The following PDE4A variants were observed in gnomAD, a reference collection of about 807,000 sequenced individuals.
PDE4A encodes phosphodiesterase 4A.
Under a neutral mutation model 73.9 loss-of-function variants are expected in PDE4A, and 21 were observed. The observed-to-expected ratio is 0.28, with a 90% CI of 0.20 to 0.41. The LOEUF is 0.41. Among genes scored for constraint, PDE4A ranks in the 10% least tolerant of loss-of-function variants. PDE4A has a pLI of 1.00. For synonymous variants in PDE4A, 463 were observed against 505.4 expected (o/e 0.92, Z 1.13); for missense variants, 958 against 1,211.4 (o/e 0.79, Z 3.10).
At chr19:10,439,644 A>G (rs1459482950) in intron 1 of PDE4A, among the ~76,000 whole-genome samples, 1 of 152,162 alleles carries the variant, frequency 6.6e-6, no homozygotes, top group Non-Finnish European at 1.5e-5. Flanking sequence ...CGAAGAGTCC[A>G]GGCCTTCAAT....
intron 1 of PDE4A, chr19:10,428,821 A>G (rs1490087475): frequency 6.1e-6 from 6 of 985,342 alleles, no homozygotes; most frequent in Non-Finnish European, 7.2e-6. Flanking sequence ...AGGATATTTC[A>G]CAGAGGTGGA....
chr19:10,464,408 T>C (rs142852477), intron 14 of PDE4A: 1 of 455,112 alleles, frequency 2.2e-6, no homozygotes, highest in East Asian at 7.0e-5. Context: ...CTGTTTTTCT[T>C]TTATTTAGGT....
At chr19:10,459,172 A>C (rs1357821824) in intron 8 of PDE4A, 4 of 674,388 alleles carry the variant, frequency 5.9e-6, no homozygotes, top group Non-Finnish European at 7.2e-6. Flanking sequence ...AAGTGCTTAG[A>C]GCAATACTTG....
At chr19:10,450,714 C>T in intron 5 of PDE4A, 62 bp downstream of exon 5, 1 of 1,588,684 alleles carries the variant, frequency 6.3e-7, no homozygotes, top group Non-Finnish European at 8.6e-7. Flanking sequence ...GGTCCCTCAG[C>T]CCCTTCCCCA....
rs936535066 is a variant in PDE4A at position 10,453,724 on chromosome 19, A to G, written c.784-1105A>G. Among the ~76,000 whole-genome samples, 2 of 152,082 alleles carry G rather than the reference A, an allele frequency of 1.3e-5. No homozygotes were observed. Among genetic ancestry groups the G allele is most frequent in the African/African-American group, 4.8e-5 (2 of 41,408 alleles). On this transcript the variant is annotated intron_variant, in intron 6 of 14. Transcript: ENST00000380702. This position sits in a 1 kb window ranked among gnomAD's most constrained non-coding sequence, Gnocchi z 4.6. ...TGATATTTTGGGGACATGTGACCCC[A>G]AATGTCAGTGACCGCCTTATTTTGC...
At chr19:10,461,749 G>C (rs1319426234) in intron 12 of PDE4A, 69 bp downstream of exon 12, 2 of 1,594,054 alleles carry the variant, frequency 1.3e-6, no homozygotes, top group African/African-American at 2.7e-5. Flanking sequence ...GGGAGGAGTG[G>C]GTCTGAGTCC....
chr19:10,425,448 G>C (rs1415314624), intron 1 of PDE4A, among the ~76,000 whole-genome samples: 1 of 152,202 alleles, frequency 6.6e-6, no homozygotes, highest in Non-Finnish European at 1.5e-5. Context: ...TGGGCAGCCA[G>C]GAGCTGGTGT....
rs1162071704 is a variant in PDE4A, at chr19:10,461,543, A to T, written c.1483A>T (p.Met495Leu). 4.3e-6 allele frequency: 7 copies of T among 1,614,000 alleles called. No homozygotes were observed. Among genetic ancestry groups the T allele is most frequent in the Non-Finnish European group, 5.9e-6 (7 of 1,180,032 alleles). Residue 495 changes from methionine (M) to leucine (L), a missense_variant, in exon 12 of 15, where the codon ATG becomes TTG. Physicochemically the swap from Met to Leu is conservative, Grantham distance 15. Coordinates refer to ENST00000380702, the MANE Select transcript of PDE4A (RefSeq NM_001111307.2). ...GGCTGCAGATTCGGAGCTGGCGCTC[A>T]TGTACAACGATGAGTCGGTGCTCGA... ...LINTNSELAL[M>L]YNDESVLENH...
At chr19:10,429,292 A>AAGAAAG (rs1568365921) in intron 1 of PDE4A, among the ~76,000 whole-genome samples, 7 of 150,620 alleles carry the variant, frequency 4.6e-5, no homozygotes, top group Non-Finnish European at 1.0e-4. Flanking sequence ...GAAAGAAAGA[A>AAGAAAG]AGAAAGAAAG....
Position 10,424,712 on chromosome 19 carries a change from A to G in PDE4A, c.320+3628A>G, listed in dbSNP as rs551372050. On this transcript the variant is annotated intron_variant, in intron 1 of 14. Transcript: ENST00000380702. This position sits in a 1 kb window ranked among gnomAD's most constrained non-coding sequence, Gnocchi z 4.8. ...GGCTTGGGACCAGGCCGCTTTCCCCATGCGCCAGCCCCTGCCACACGCTGC... is the reference window on the plus strand; with the variant it reads ...GGCTTGGGACCAGGCCGCTTTCCCCGTGCGCCAGCCCCTGCCACACGCTGC... Among the ~76,000 whole-genome samples the G allele has an allele frequency of 3.6e-4, 55 of 152,344 alleles. No individual in the cohort carries two copies. The highest frequency in any genetic ancestry group is 6.8e-4 in the Non-Finnish European group (46 of 68,030).
intron 8 of PDE4A, 39 bp from the exon 9 acceptor site, chr19:10,459,361 C>G: frequency 6.2e-7 from 1 of 1,614,100 alleles, no homozygotes; most frequent in Non-Finnish European, 8.5e-7. Flanking sequence ...GGGCCCTGAG[C>G]CTTACAGGCT....
intron 10 of PDE4A, among the ~76,000 whole-genome samples, chr19:10,460,359 C>T (rs1243752078): frequency 7.2e-5 from 11 of 151,786 alleles, no homozygotes; most frequent in African/African-American, 2.4e-4. Context: ...ATTAGCCGGG[C>T]GTGGTGGGGC....
At position 10,422,373 on chromosome 19, in the gene PDE4A, C is replaced by T. The variant is rs77837238; in HGVS notation, c.320+1289C>T. ...CTCTGACATGTGGTCTGTGTTCCCT[C>T]TGCCTGGTGTATCCTAAGAACTGGT... On this transcript the variant is annotated intron_variant, in intron 1 of 14. Transcript: ENST00000380702. Among the ~76,000 whole-genome samples the T allele has an allele frequency of 5.1e-3, 776 of 152,282 alleles. 14 individuals carry two copies. Among genetic ancestry groups the T allele is most frequent in the East Asian group, 0.031 (160 of 5,190 alleles).
intron 6 of PDE4A, among the ~76,000 whole-genome samples, chr19:10,452,471 G>A (rs113793042): frequency 0.027 from 4,106 of 151,684 alleles, 195 homozygotes; most frequent in African/African-American, 0.095. Flanking sequence ...CTGGTATCTC[G>A]GTGTCTGTCT....
In PDE4A at chr19:10,461,015, G is replaced by C; in HGVS notation, c.1377G>C (p.Thr459=). ...LATPALDAVF[T]DLEILAALFA... Reference sequence around the variant, plus strand: ...GTCTCTGCTCCCAGGCAGTGTTCACGGACCTGGAGATTCTCGCCGCCCTCT... The same window carrying C: ...GTCTCTGCTCCCAGGCAGTGTTCACCGACCTGGAGATTCTCGCCGCCCTCT... The change falls in exon 11 of 15, where the codon ACG becomes ACC. Residue 459 remains threonine, a synonymous_variant. Coordinates refer to ENST00000380702, the MANE Select transcript of PDE4A (RefSeq NM_001111307.2). 1.9e-6 allele frequency: 3 copies of C among 1,613,104 alleles called. No homozygotes were observed. The highest frequency in any genetic ancestry group is 2.5e-6 in the Non-Finnish European group (3 of 1,179,314).
chr19:10,454,136 T>G (rs962658601), intron 6 of PDE4A, among the ~76,000 whole-genome samples: 10 of 152,128 alleles, frequency 6.6e-5, no homozygotes, highest in Admixed American at 5.9e-4. Flanking sequence ...TGTTCATCTG[T>G]GCATCTGTCC....
intron 7 of PDE4A, 112 bp from the exon 8 acceptor site, chr19:10,457,767 T>C: frequency 1.3e-6 from 2 of 1,514,406 alleles, no homozygotes; most frequent in Non-Finnish European, 1.8e-6. Context: ...GCTGAAAGGG[T>C]TCTGCCGTTT....
rs1198355450 is a variant in PDE4A, at chr19:10,457,961, G to GCCGCCC, written c.969_974dup (p.Pro324_Pro325dup). The stretch of plus-strand genomic sequence containing the variant: ...AAGCGCCGCGACCAAGACCCTCCCA[G>GCCGCCC]CCGCCCCCGCCCCCTGTACCACACT... On this transcript the variant is annotated inframe_insertion, in exon 8 of 15. Transcript: ENST00000380702. 6.2e-7 allele frequency: 1 copy of GCCGCCC among 1,612,684 alleles called. No individual in the cohort carries two copies. The highest frequency in any genetic ancestry group is 1.3e-5 in the African/African-American group (1 of 74,954).
Position 10,453,468 on chromosome 19 carries a change from G to GCCA in PDE4A, c.784-1360_784-1359insCAC. On this transcript the variant is annotated intron_variant, in intron 6 of 14. Coordinates refer to ENST00000380702, the MANE Select transcript of PDE4A (RefSeq NM_001111307.2). The surrounding 1 kb of genome is among the most constrained non-coding windows in gnomAD (Gnocchi z 4.6). The stretch of plus-strand genomic sequence containing the variant: ...GTCTCTGTGTGTGGCCCAGGGCTGG[G>GCCA]CGTGGATGGCGGGCAGCTGGGGGTG... The GCCA allele has an allele frequency of 9.0e-7, 1 of 1,110,266 alleles. No individual in the cohort carries two copies. The highest frequency in any genetic ancestry group is 1.2e-6 in the Non-Finnish European group (1 of 810,604). The allele number at this position is 1,110,266 out of a possible 1,614,324, so 68.8% of individuals were successfully genotyped here. A position where few individuals can be genotyped will look rare whatever the true frequency, so the allele number is the denominator to read the frequency against.
Sources: allele counts gnomAD v4.1 joint callset (sites outside exome capture counted in the v4.1 genomes callset), GRCh38; gene constraint gnomAD v4.1.1; non-coding constraint Gnocchi (gnomAD v3.1); transcripts MANE v1.5; gene names NCBI Gene and HGNC (gene_info 2026-07-23, HGNC 2026-07-21).